CCDC91: variants seen among roughly 807,000 people sequenced by gnomAD.
CCDC91 encodes coiled-coil domain-containing protein 91.
Under a neutral mutation model 63.2 loss-of-function variants are expected in CCDC91, and 48 were observed. The observed-to-expected ratio is 0.76, with a 90% CI of 0.60 to 0.97. CCDC91 has a LOEUF of 0.97. Ranked by LOEUF, CCDC91 falls within the 50% of genes least tolerant of loss-of-function variation. The pLI is 0.00. For synonymous variants in CCDC91, 167 were observed against 165.8 expected (o/e 1.01, Z -0.06); for missense variants, 500 against 494.6 (o/e 1.01, Z -0.10).
chr12:28,284,630 G>A (rs1236952688), intron 3 of CCDC91, among the ~76,000 whole-genome samples: 3 of 150,652 alleles, frequency 2.0e-5, no homozygotes, highest in Non-Finnish European at 3.0e-5. Flanking sequence ...TCCAACCTGG[G>A]CAACAAGAGT....
At position 28,549,964 on chromosome 12, in the gene CCDC91, C is replaced by T. The variant is rs1334646750; in HGVS notation, c.*791C>T. On this transcript the variant is annotated 3_prime_UTR_variant, in exon 13 of 13. Transcript: ENST00000536442. ...GGTTCAAGTACAGGATATATGAAAT[C>T]TTTTCCCAGTATTTCAGAATGTACT... 3 of 152,480 alleles carry T rather than the reference C, an allele frequency of 2.0e-5. No homozygotes were observed. The highest frequency in any genetic ancestry group is 1.3e-4 in the Admixed American group (2 of 15,252). 9.4% of individuals were successfully genotyped at this position (152,480 alleles called of 1,614,324 possible).
At chr12:28,201,229 A>G (rs879216892) in intron 1 of CCDC91, among the ~76,000 whole-genome samples, 1 of 146,152 alleles carries the variant, frequency 6.8e-6, no homozygotes, top group African/African-American at 2.5e-5. Context: ...CTCACTTCTC[A>G]GACGGGGCGG....
intron 3 of CCDC91, among the ~76,000 whole-genome samples, chr12:28,279,506 G>A (rs961044261): frequency 6.6e-6 from 1 of 152,186 alleles, no homozygotes; most frequent in Non-Finnish European, 1.5e-5. Context: ...ACTAAACCAT[G>A]CATTTCCTGA....
intron 3 of CCDC91, among the ~76,000 whole-genome samples, chr12:28,284,155 G>C (rs934038947): frequency 1.3e-5 from 2 of 151,372 alleles, no homozygotes; most frequent in Non-Finnish European, 1.5e-5. Context: ...TTTTCCATTG[G>C]AGTATTGGAA....
intron 1 of CCDC91, among the ~76,000 whole-genome samples, chr12:28,218,223 C>T (rs1222309702): frequency 6.6e-6 from 1 of 151,934 alleles, no homozygotes; most frequent in Non-Finnish European, 1.5e-5. Context: ...ATCTTTTTCT[C>T]TGGGCTTTCA....
At chr12:28,439,536 A>G (rs1418032605) in intron 8 of CCDC91, among the ~76,000 whole-genome samples, 1 of 152,106 alleles carries the variant, frequency 6.6e-6, no homozygotes, top group Non-Finnish European at 1.5e-5. Flanking sequence ...CCCTCCACAC[A>G]CAATACACAA....
intron 12 of CCDC91, among the ~76,000 whole-genome samples, chr12:28,501,448 G>T (rs1054919233): frequency 3.3e-5 from 5 of 151,994 alleles, no homozygotes; most frequent in African/African-American, 1.2e-4. Context: ...GGCCTTTACT[G>T]CATCTATTGA....
intron 1 of CCDC91, among the ~76,000 whole-genome samples, chr12:28,223,052 A>G (rs1286657724): frequency 2.0e-5 from 3 of 152,180 alleles, no homozygotes; most frequent in Admixed American, 6.5e-5. Flanking sequence ...TCGCCAGCCT[A>G]TCCAAGGGTG....
chr12:28,501,456 T>A (rs1211824863), intron 12 of CCDC91, among the ~76,000 whole-genome samples: 1 of 152,164 alleles, frequency 6.6e-6, no homozygotes, highest in Non-Finnish European at 1.5e-5. Context: ...CTGCATCTAT[T>A]GACATAATCA....
rs567686864 is a variant in CCDC91, at chr12:28,449,461, G to A, written c.763-700G>A. On this transcript the variant is annotated intron_variant, in intron 8 of 12. Transcript: ENST00000536442. Reference sequence around the variant, plus strand: ...CAGTATTTGCCTCATCGTTATTGGAGATACTGAGGCTGCAAAAGTTGAATA... The same window carrying A: ...CAGTATTTGCCTCATCGTTATTGGAAATACTGAGGCTGCAAAAGTTGAATA... Among the ~76,000 whole-genome samples the A allele has an allele frequency of 1.4e-4, 22 of 152,116 alleles. No homozygotes were observed. In the South Asian group the frequency reaches 3.3e-3, roughly 23 times the overall value.
chr12:28,433,373 ATTTTGAATTAATTT>A (rs1434246497), intron 8 of CCDC91, among the ~76,000 whole-genome samples: 1 of 151,880 alleles, frequency 6.6e-6, no homozygotes, highest in Non-Finnish European at 1.5e-5. Context: ...TTTAGGTCTT[ATTTTGAATTAATTT>A]TCATGAAAGT....
At chr12:28,528,647 C>T (rs143460438) in intron 12 of CCDC91, among the ~76,000 whole-genome samples, 92 of 152,210 alleles carry the variant, frequency 6.0e-4, no homozygotes, top group Admixed American at 9.8e-4. Flanking sequence ...TCCTGCCTCC[C>T]GTCTGCCATG....
intron 7 of CCDC91, among the ~76,000 whole-genome samples, chr12:28,375,873 T>C (rs1944911625): frequency 6.6e-6 from 1 of 151,942 alleles, no homozygotes; most frequent in South Asian, 2.1e-4. Flanking sequence ...ATCTTATCTA[T>C]TATGTAGAGT....
chr12:28,194,122 C>T lies in CCDC91; in HGVS notation c.-15+3481C>T, dbSNP rs79459163. On this transcript the variant is annotated intron_variant, in intron 1 of 12. Transcript: ENST00000536442. Reference sequence around the variant, plus strand: ...TCATGAGAAATTTTGCCTAATCCAACGTTGCAAAGATTTTTTTTCTTATGT... The same window carrying T: ...TCATGAGAAATTTTGCCTAATCCAATGTTGCAAAGATTTTTTTTCTTATGT... Among the ~76,000 whole-genome samples the T allele has an allele frequency of 2.7e-4, 38 of 141,744 alleles. No homozygotes were observed. In the East Asian group the frequency reaches 6.8e-3, roughly 25 times the overall value. 93.0% of individuals were successfully genotyped at this position (141,744 alleles called of 152,430 possible).
In CCDC91 at chr12:28,283,738, A is replaced by G. The variant is rs1383507452; in HGVS notation, c.110-21911A>G. Among the ~76,000 whole-genome samples, 2 of 152,316 alleles carry G rather than the reference A, an allele frequency of 1.3e-5. 1 individual carries two copies. Among genetic ancestry groups the G allele is most frequent in the East Asian group, 3.9e-4 (2 of 5,186 alleles). On this transcript the variant is annotated intron_variant, in intron 3 of 12. Transcript: ENST00000536442. ...TGTATAGCTTATACATATAGCCTGAATGTAATTTTATACAATATTTTAAAG... is the reference window on the plus strand; with the variant it reads ...TGTATAGCTTATACATATAGCCTGAGTGTAATTTTATACAATATTTTAAAG...
intron 12 of CCDC91, among the ~76,000 whole-genome samples, chr12:28,539,244 A>G (rs10843200): frequency 0.034 from 5,212 of 152,240 alleles, 128 homozygotes; most frequent in Non-Finnish European, 0.052. Context: ...TTTTAGGTCT[A>G]ACGTTTAAGT....
intron 8 of CCDC91, among the ~76,000 whole-genome samples, chr12:28,427,866 T>C (rs928184926): frequency 6.6e-6 from 1 of 152,204 alleles, no homozygotes. Flanking sequence ...CATTATCTAC[T>C]TTAGCAGTTT....
At position 28,239,789 on chromosome 12, in the gene CCDC91, CTT is replaced by C. The variant is rs749236520; in HGVS notation, c.-14-17412_-14-17411del. On this transcript the variant is annotated intron_variant, in intron 1 of 12. Coordinates refer to ENST00000536442, the MANE Select transcript of CCDC91 (RefSeq NM_018318.5). ...AGACTATATAATAAATGAAAAAGAACTTATAATTGCATGTAGAATTAAAATAT... is the reference window on the plus strand; with the variant it reads ...AGACTATATAATAAATGAAAAAGAACATAATTGCATGTAGAATTAAAATAT... Among the ~76,000 whole-genome samples the C allele has an allele frequency of 2.2e-4, 33 of 152,068 alleles. 1 individual carries two copies. The highest frequency in any genetic ancestry group is 9.2e-4 in the Admixed American group (14 of 15,294).
At chr12:28,456,451 G>A (rs1840765612) in intron 11 of CCDC91, among the ~76,000 whole-genome samples, 2 of 152,038 alleles carry the variant, frequency 1.3e-5, no homozygotes, top group Admixed American at 6.6e-5. Context: ...TGAAATTCTA[G>A]GGAAGACAAA....
Sources: gnomAD v4.1 joint callset for allele counts (sites outside exome capture counted in the v4.1 genomes callset) on GRCh38, gnomAD v4.1.1 for gene constraint, MANE v1.5 for transcripts, NCBI Gene and HGNC (gene_info 2026-07-23, HGNC 2026-07-21) for gene names.